Variants in RIF1 observed in about 807,000 individuals in gnomAD.
RIF1 encodes the protein telomere-associated protein RIF1.
RIF1 carries 45 observed loss-of-function variants against 247.1 expected under a neutral mutation model. That is an observed-to-expected ratio of 0.18 (90% CI 0.14 to 0.23). The LOEUF is 0.23. Among genes scored for constraint, RIF1 ranks in the 10% least tolerant of loss-of-function variants. The pLI is 1.00. For synonymous variants in RIF1, 1,087 were observed against 978.8 expected, an observed-to-expected ratio of 1.11 and a Z score of -2.06; for missense variants, 2,967 against 2,862.5, an observed-to-expected ratio of 1.04 and a Z score of -0.83.
the RIF1 span, chr2:151,527,717 A>G: frequency 5.9e-5 from 39 of 663,258 alleles, no homozygotes; most frequent in South Asian, 9.8e-5. Context: ...GGAAGCCCCA[A>G]TTGAAATTTC....
rs990666032 is a variant in RIF1 at position 151,479,803 on chromosome 2, A to C, written c.*4732A>C. 4 of 152,192 alleles carry C rather than the reference A, an allele frequency of 2.6e-5. No individual in the cohort carries two copies. The highest frequency in any genetic ancestry group is 5.9e-5 in the Non-Finnish European group (4 of 68,024). 9.4% of individuals were successfully genotyped at this position (152,192 alleles called of 1,614,324 possible). The stretch of plus-strand genomic sequence containing the variant: ...AACTACCCTGAAAGCACTAAGGAAA[A>C]TGTAGCCGAAAGTTAAGTAATAGGT... On this transcript the variant is annotated 3_prime_UTR_variant, in exon 36 of 36. Transcript: ENST00000444746.
chr2:151,491,065 CTG>C (rs774020617), intron 9 of RIF1: 134 of 145,546 alleles, frequency 9.2e-4, no homozygotes, highest in Non-Finnish European at 1.5e-3. Context: ...GATGGGGTCT[CTG>C]TTGCTCAGGC....
At chr2:151,530,950 G>A in the RIF1 span, 2 of 1,300,426 alleles carry the variant, frequency 1.5e-6, no homozygotes, top group South Asian at 2.5e-5. Context: ...CTCATTAGAA[G>A]GAGGCCAAGA....
At chr2:151,496,283 A>G (rs776955893) in intron 10 of RIF1, 1 of 1,607,988 alleles carries the variant, frequency 6.2e-7, no homozygotes, top group South Asian at 1.1e-5. Flanking sequence ...TACCGAGCTA[A>G]TATTTTCTTG....
chr2:151,483,581 T>C (rs147418314), downstream of RIF1, among the ~76,000 whole-genome samples: 351 of 152,288 alleles, frequency 2.3e-3, 9 homozygotes, highest in East Asian at 0.046. Flanking sequence ...GGTATTGGTT[T>C]CAGGACCACC....
intron 8 of RIF1, among the ~76,000 whole-genome samples, chr2:151,424,738 C>A (rs897079658): frequency 6.6e-6 from 1 of 151,048 alleles, no homozygotes; most frequent in Non-Finnish European, 1.5e-5. Flanking sequence ...GGCACAACCT[C>A]GCTCACTGCA....
intron 9 of RIF1, 44 bp downstream of exon 9, chr2:151,428,966 T>C (rs756574503): frequency 6.2e-5 from 78 of 1,261,352 alleles, no homozygotes; most frequent in Non-Finnish European, 8.7e-5. Context: ...GAATTTGTTT[T>C]GCTTAAAGCA....
Position 151,463,481 on chromosome 2 carries a change from A to T in RIF1, c.3961A>T (p.Ile1321Phe). ...AAATACTGAGGAATCTGTTGAAGGCATTGTAGTCTTAGAAAATAACCCACC... is the reference window on the plus strand; with the variant it reads ...AAATACTGAGGAATCTGTTGAAGGCTTTGTAGTCTTAGAAAATAACCCACC... ...EKNTEESVEGIVVLENNPPGL... is the reference protein window; with the variant it reads ...EKNTEESVEGFVVLENNPPGL... The change falls in exon 30 of 36, where the codon ATT (isoleucine) becomes TTT (phenylalanine). Residue 1321 changes from isoleucine to phenylalanine, a missense_variant. Coordinates refer to ENST00000444746, the MANE Select transcript of RIF1 (RefSeq NM_018151.5). The T allele has an allele frequency of 1.2e-6, 2 of 1,614,116 alleles. No homozygotes were observed. Among genetic ancestry groups the T allele is most frequent in the Non-Finnish European group, 1.7e-6 (2 of 1,179,966 alleles).
chr2:151,505,619 G>A lies in RIF1; in HGVS notation c.*862-591G>A, dbSNP rs751019290. The A allele has an allele frequency of 7.0e-6, 10 of 1,431,188 alleles. No individual in the cohort carries two copies. In the African/African-American group the frequency reaches 1.3e-4, roughly 18 times the overall value. The allele number at this position is 1,431,188 out of a possible 1,614,324, so 88.7% of individuals were successfully genotyped here. A position where few individuals can be genotyped will look rare whatever the true frequency, so the allele number is the denominator to read the frequency against. On this transcript the variant is annotated intron_variant and NMD_transcript_variant, in intron 12 of 13. Coordinates refer to the RIF1 transcript ENST00000454583. ...GAAAGGTATTATTACATGCTGGACTGTTATTCTTCCCAACATGTACATGTT... is the reference window on the plus strand; with the variant it reads ...GAAAGGTATTATTACATGCTGGACTATTATTCTTCCCAACATGTACATGTT...
At chr2:151,415,008 A>G (rs893938538) in intron 4 of RIF1, 89 bp downstream of exon 4, 3 of 796,844 alleles carry the variant, frequency 3.8e-6, no homozygotes, top group Admixed American at 5.1e-5. Flanking sequence ...AAGTACTGTT[A>G]TGTCTGGATT....
chr2:151,446,081 A>T lies in RIF1; in HGVS notation c.2095-345A>T, dbSNP rs189892972. Reference sequence around the variant, plus strand: ...GAGTGCAGTGGGGCAATCTTGGCTCACTGCAACCTCTACCTCCTGGGTTCA... The same window carrying T: ...GAGTGCAGTGGGGCAATCTTGGCTCTCTGCAACCTCTACCTCCTGGGTTCA... On this transcript the variant is annotated intron_variant, in intron 19 of 35. Transcript: ENST00000444746. Among the ~76,000 whole-genome samples the T allele has an allele frequency of 3.3e-4, 50 of 152,178 alleles. No individual in the cohort carries two copies. The East Asian group carries it at 9.3e-3, about 28-fold the overall frequency.
At chr2:151,502,446 A>G (rs2065432865) in intron 11 of RIF1, among the ~76,000 whole-genome samples, 1 of 152,164 alleles carries the variant, frequency 6.6e-6, no homozygotes, top group African/African-American at 2.4e-5. Context: ...GCCACAATAA[A>G]TACAAATAAA....
chr2:151,411,113 C>A (rs2152061552), intron 2 of RIF1, 147 bp from the exon 3 acceptor site: 1 of 592,600 alleles, frequency 1.7e-6, no homozygotes, highest in Non-Finnish European at 3.0e-6. Flanking sequence ...ATTATATATT[C>A]TGTATACCCT....
At chr2:151,435,129 T>C (rs142081159) in intron 10 of RIF1, among the ~76,000 whole-genome samples, 2 of 152,336 alleles carry the variant, frequency 1.3e-5, no homozygotes, top group African/African-American at 2.4e-5. Context: ...ATTTGGTAAC[T>C]ACATGTGACT....
At position 151,424,165 on chromosome 2, in the gene RIF1, G is replaced by A. The variant is rs183993320; in HGVS notation, c.786+1123G>A. 2.6e-5 allele frequency among the ~76,000 whole-genome samples: 4 copies of A among 152,178 alleles called. No homozygotes were observed. In the East Asian group the frequency reaches 5.8e-4, roughly 22 times the overall value. On this transcript the variant is annotated intron_variant, in intron 8 of 35. Transcript: ENST00000444746. ...GTCACCCAGGCTGGAGTACAATGGCGTGATCTTGGTTCACTGCAACCTCTG... is the reference window on the plus strand; with the variant it reads ...GTCACCCAGGCTGGAGTACAATGGCATGATCTTGGTTCACTGCAACCTCTG...
chr2:151,492,632 A>G (rs1559144648), intron 9 of RIF1: 10 of 495,208 alleles, frequency 2.0e-5, no homozygotes, highest in East Asian at 3.2e-5. Context: ...CACATGACCA[A>G]TTTTGGAACA....
At chr2:151,521,339 C>G in the RIF1 span, among the ~76,000 whole-genome samples, 1 of 152,102 alleles carries the variant, frequency 6.6e-6, no homozygotes, top group Admixed American at 6.5e-5. Context: ...CTGAGACACA[C>G]AAAGTAAAGG....
Position 151,460,076 on chromosome 2 carries a change from C to T in RIF1, c.3032C>T (p.Ala1011Val). 6.4e-7 allele frequency: 1 copy of T among 1,571,288 alleles called. No individual in the cohort carries two copies. Residue 1011 changes from alanine to valine, a missense_variant, in exon 26 of 36, where the codon GCA becomes GTA. Physicochemically the swap from Ala to Val is moderately conservative, Grantham distance 64 (BLOSUM62 0). Around this residue, in one of 7 missense-constraint regions of RIF1, gnomAD observed 2,028 missense variants for 1,825.6 expected, o/e 1.11. Coordinates refer to ENST00000444746, the MANE Select transcript of RIF1 (RefSeq NM_018151.5). ...KSNGKRDSFLAQTKNKKENMK... is the reference protein window; with the variant it reads ...KSNGKRDSFLVQTKNKKENMK... The stretch of plus-strand genomic sequence containing the variant: ...AATGGAAAAAGAGATTCATTTTTGG[C>T]ACAAACAAAGAATAAAAAAGAAAAT...
chr2:151,483,867 A>T (rs2049306260), downstream of RIF1, among the ~76,000 whole-genome samples: 1 of 152,108 alleles, frequency 6.6e-6, no homozygotes, highest in Non-Finnish European at 1.5e-5. Context: ...TGTGCTCCTT[A>T]TGAGAACCTA....
Sources: allele counts gnomAD v4.1 joint callset (sites outside exome capture counted in the v4.1 genomes callset), GRCh38; gene constraint gnomAD v4.1.1; regional missense constraint gnomAD v4.1.1; transcripts MANE v1.5; gene names NCBI Gene and HGNC (gene_info 2026-07-23, HGNC 2026-07-21).